The following BLTP3A variants were observed in gnomAD, a reference collection of about 807,000 sequenced individuals.
BLTP3A encodes bridge-like lipid transfer protein family member 3A.
the BLTP3A span, chr6:34,821,509 C>A: frequency 2.6e-6 from 2 of 772,822 alleles, no homozygotes; most frequent in Non-Finnish European, 4.1e-6. Context: ...TTCTGTGTTC[C>A]TTCACTCCCA....
the BLTP3A span, among the ~76,000 whole-genome samples, chr6:34,838,838 G>T: frequency 6.6e-6 from 1 of 152,208 alleles, no homozygotes; most frequent in Admixed American, 6.5e-5. Flanking sequence ...CAGCCACTCA[G>T]ACTGAAGCGG....
the BLTP3A span, among the ~76,000 whole-genome samples, chr6:34,835,031 A>G: frequency 6.6e-6 from 1 of 152,038 alleles, no homozygotes; most frequent in African/African-American, 2.4e-5. Flanking sequence ...GAATGTTTCC[A>G]CCTTCCTGTT....
chr6:34,858,167 G>A, the BLTP3A span: 177 of 1,613,908 alleles, frequency 1.1e-4, 1 homozygote, highest in South Asian at 1.6e-4. Context: ...GAGTTGCATC[G>A]TCCCCAGGCC....
the BLTP3A span, among the ~76,000 whole-genome samples, chr6:34,796,205 C>T: frequency 0.19 from 29,434 of 152,130 alleles, 3,390 homozygotes; most frequent in African/African-American, 0.31. Flanking sequence ...TGGCCCACAG[C>T]AGAGAGGATA....
chr6:34,828,387 G>A, the BLTP3A span, among the ~76,000 whole-genome samples: 7 of 149,170 alleles, frequency 4.7e-5, no homozygotes, highest in Non-Finnish European at 7.4e-5. Flanking sequence ...GGAGATGGAG[G>A]TTGCAGTGAG....
the BLTP3A span, chr6:34,875,223 A>G: frequency 6.6e-6 from 1 of 152,604 alleles, no homozygotes; most frequent in Non-Finnish European, 1.5e-5. Flanking sequence ...GTAATATACA[A>G]CTGAGAGGGT....
chr6:34,810,948 C>T, the BLTP3A span, among the ~76,000 whole-genome samples: 1 of 152,142 alleles, frequency 6.6e-6, no homozygotes, highest in African/African-American at 2.4e-5. Flanking sequence ...ATATTTTATG[C>T]ATTCATGACA....
the BLTP3A span, among the ~76,000 whole-genome samples, chr6:34,805,363 C>T: frequency 6.6e-6 from 1 of 151,960 alleles, no homozygotes; most frequent in Non-Finnish European, 1.5e-5. Context: ...GAGGCTGAGG[C>T]AAGCAGATCA....
chr6:34,836,865 A>G, the BLTP3A span, among the ~76,000 whole-genome samples: 1 of 152,204 alleles, frequency 6.6e-6, no homozygotes, highest in Non-Finnish European at 1.5e-5. Context: ...GCCATTATAT[A>G]TGTGTTTGTA....
the BLTP3A span, among the ~76,000 whole-genome samples, chr6:34,795,125 C>T: frequency 6.6e-6 from 1 of 151,764 alleles, no homozygotes; most frequent in Admixed American, 6.6e-5. Flanking sequence ...TGCTTTGTGC[C>T]TAGGCTGGAG....
At chr6:34,816,224 G>C in the BLTP3A span, among the ~76,000 whole-genome samples, 3 of 152,138 alleles carry the variant, frequency 2.0e-5, no homozygotes, top group Non-Finnish European at 4.4e-5. Flanking sequence ...ACTTATTCTT[G>C]ACTGTGTTTA....
the BLTP3A span, among the ~76,000 whole-genome samples, chr6:34,823,955 T>G: frequency 2.6e-5 from 4 of 152,060 alleles, no homozygotes; most frequent in African/African-American, 9.6e-5. Flanking sequence ...GATACTTTTT[T>G]TTTTTGAGAT....
chr6:34,802,865 A>G, the BLTP3A span, among the ~76,000 whole-genome samples: 6 of 152,224 alleles, frequency 3.9e-5, no homozygotes, highest in Non-Finnish European at 4.4e-5. Flanking sequence ...TAAGTAGGTT[A>G]TATTATATGT....
At chr6:34,818,659 G>A in the BLTP3A span, among the ~76,000 whole-genome samples, 7 of 152,160 alleles carry the variant, frequency 4.6e-5, no homozygotes, top group Admixed American at 4.6e-4. Flanking sequence ...TATCCATACA[G>A]TTGAAGCTTC....
chr6:34,804,208 C>T, the BLTP3A span, among the ~76,000 whole-genome samples: 7 of 152,170 alleles, frequency 4.6e-5, no homozygotes, highest in African/African-American at 1.2e-4. Flanking sequence ...AGTGTCTTAG[C>T]TCTTCCTGGA....
At chr6:34,822,095 C>A in the BLTP3A span, 1 of 1,028,668 alleles carries the variant, frequency 9.7e-7, no homozygotes, top group Non-Finnish European at 1.4e-6. Flanking sequence ...CTCTCTGAGA[C>A]AGTGTGACTG....
the BLTP3A span, among the ~76,000 whole-genome samples, chr6:34,808,134 A>G: frequency 6.6e-6 from 1 of 152,054 alleles, no homozygotes; most frequent in Non-Finnish European, 1.5e-5. Flanking sequence ...ACCTGAGGTC[A>G]GAAGTGCGAG....
the BLTP3A span, chr6:34,823,288 C>T: frequency 6.2e-7 from 1 of 1,614,106 alleles, no homozygotes; most frequent in Non-Finnish European, 8.5e-7. Flanking sequence ...GAGATGAAGA[C>T]ATGTGAGGAT....
At chr6:34,856,771 C>T in the BLTP3A span, 2 of 1,604,126 alleles carry the variant, frequency 1.2e-6, no homozygotes, top group East Asian at 2.2e-5. Flanking sequence ...ATTCTTTTTC[C>T]CACCTTATTT....
Sources: gnomAD v4.1 joint callset for allele counts (sites outside exome capture counted in the v4.1 genomes callset) on GRCh38, gnomAD v4.1.1 for gene constraint, MANE v1.5 for transcripts, NCBI Gene and HGNC (gene_info 2026-07-23, HGNC 2026-07-21) for gene names.